The following ANKRD30BL variants were observed in gnomAD, a reference collection of about 807,000 sequenced individuals.
The protein encoded by ANKRD30BL is ankyrin repeat domain 30B like, also known as putative ankyrin repeat domain-containing protein 30B-like.
Under a neutral mutation model 18.4 loss-of-function variants are expected in ANKRD30BL, and 20 were observed. The observed-to-expected ratio is 1.09, with a 90% CI of 0.77 to 1.58. The LOEUF (loss-of-function observed/expected upper bound fraction) is 1.58. ANKRD30BL is among the 40% of genes most tolerant of loss of function. The probability of loss-of-function intolerance (pLI) is 0.00; values close to 1 mark genes in which losing one functional copy is unlikely to be tolerated. For missense variants in ANKRD30BL, 224 were observed against 268.6 expected, an observed-to-expected ratio of 0.83 and a Z score of 1.16; for synonymous variants, 72 against 100.9, an observed-to-expected ratio of 0.71 and a Z score of 1.72.
At chr2:132,250,157 C>A (rs62164971) in intron 1 of ANKRD30BL, among the ~76,000 whole-genome samples, 25,695 of 151,024 alleles carry the variant, frequency 0.17, 4,615 homozygotes, top group African/African-American at 0.47. Context: ...TTATGTGAAG[C>A]TATTTCCTTT....
chr2:132,222,096 C>A (rs1474850277), intron 1 of ANKRD30BL, among the ~76,000 whole-genome samples: 21 of 145,100 alleles, frequency 1.4e-4, no homozygotes, highest in Non-Finnish European at 2.7e-4. Flanking sequence ...GGGGGGTCAG[C>A]CCCCCACCCG....
intron 1 of ANKRD30BL, among the ~76,000 whole-genome samples, chr2:132,231,319 T>A (rs2104782949): frequency 6.6e-6 from 1 of 152,146 alleles, no homozygotes; most frequent in Admixed American, 6.6e-5. Context: ...AAAACGGGAA[T>A]GTCGAAGGGG....
At chr2:132,233,596 T>G (rs1041462489) in intron 1 of ANKRD30BL, among the ~76,000 whole-genome samples, 193 of 151,016 alleles carry the variant, frequency 1.3e-3, no homozygotes, top group Admixed American at 2.3e-3. Context: ...AGAAGGCCAT[T>G]ACATAATGGT....
chr2:132,166,860 C>A (rs1217982041), upstream of ANKRD30BL, among the ~76,000 whole-genome samples: 1 of 151,792 alleles, frequency 6.6e-6, no homozygotes, highest in African/African-American at 2.4e-5. Flanking sequence ...TTTTCTTTTT[C>A]TAGTTTCTTA....
chr2:132,161,734 G>A lies in ANKRD30BL; in HGVS notation c.-29C>T, dbSNP rs1210601490. The A allele has an allele frequency of 3.6e-6, 4 of 1,117,096 alleles. No homozygotes were observed. In the Admixed American group the frequency reaches 6.0e-5, roughly 17 times the overall value. The allele number at this position is 1,117,096 out of a possible 1,614,324, so 69.2% of individuals were successfully genotyped here. ...TGCAGCCACCTGCTAGAGAGAGCCC[G>A]TGCCTCCCGCTGCTCGCCCTTCCCC... On this transcript the variant is annotated 5_prime_UTR_variant, in exon 1 of 6. In the 5' UTR this introduces an upstream ATG that the reference lacks. Transcript: ENST00000409867.
intron 1 of ANKRD30BL, among the ~76,000 whole-genome samples, chr2:132,182,082 C>G (rs1346225643): frequency 2.0e-5 from 3 of 151,318 alleles, no homozygotes; most frequent in Non-Finnish European, 4.4e-5. Context: ...CCACTGCACT[C>G]TAGCCTGGGC....
At chr2:132,235,680 A>G (rs1680133873) in intron 1 of ANKRD30BL, among the ~76,000 whole-genome samples, 1 of 152,186 alleles carries the variant, frequency 6.6e-6, no homozygotes, top group African/African-American at 2.4e-5. Context: ...TGCCCAAGGA[A>G]ATAAAAGAGG....
At chr2:132,207,179 G>A (rs1679227729) in intron 1 of ANKRD30BL, among the ~76,000 whole-genome samples, 3 of 151,934 alleles carry the variant, frequency 2.0e-5, no homozygotes, top group Admixed American at 2.0e-4. Context: ...CCCACAAAAG[G>A]AGGGGAGCCG....
At chr2:132,228,341 G>A (rs1009106239) in intron 1 of ANKRD30BL, among the ~76,000 whole-genome samples, 3 of 151,802 alleles carry the variant, frequency 2.0e-5, no homozygotes, top group Admixed American at 2.0e-4. Context: ...CCTTTCTTTT[G>A]ATTAAGCAGT....
At chr2:132,149,039 C>A (rs1237817182) in intron 5 of ANKRD30BL, among the ~76,000 whole-genome samples, 1 of 151,872 alleles carries the variant, frequency 6.6e-6, no homozygotes, top group African/African-American at 2.4e-5. Context: ...GTATTATGAG[C>A]ACCTTAAAGA....
intron 1 of ANKRD30BL, among the ~76,000 whole-genome samples, chr2:132,237,598 C>T (rs6760136): frequency 0.06 from 9,132 of 151,784 alleles, 337 homozygotes; most frequent in South Asian, 0.12. Context: ...TTGAGGCCTT[C>T]GCTGGAAACG....
At chr2:132,168,780 G>A (rs903819651) in intron 1 of ANKRD30BL, among the ~76,000 whole-genome samples, 2 of 151,762 alleles carry the variant, frequency 1.3e-5, no homozygotes, top group Non-Finnish European at 2.9e-5. Flanking sequence ...TGATGAAAAT[G>A]TTAATTGACT....
intron 1 of ANKRD30BL, among the ~76,000 whole-genome samples, chr2:132,233,167 A>G (rs1173400937): frequency 5.3e-5 from 8 of 151,644 alleles, no homozygotes; most frequent in African/African-American, 1.7e-4. Context: ...GCCTGCCCTA[A>G]AAGAGCTCCT....
intron 1 of ANKRD30BL, among the ~76,000 whole-genome samples, chr2:132,194,603 C>G (rs1401009452): frequency 1.3e-5 from 2 of 152,168 alleles, no homozygotes; most frequent in African/African-American, 4.8e-5. Context: ...CTACCCCAAT[C>G]AGCCTTCCTT....
intron 1 of ANKRD30BL, among the ~76,000 whole-genome samples, chr2:132,228,717 C>A (rs7419704): frequency 7.3e-6 from 1 of 136,272 alleles, no homozygotes; most frequent in African/African-American, 3.2e-5. Context: ...TTTGTAGAAT[C>A]TGCAAGCGGA....
chr2:132,255,041 G>A (rs1295793321), intron 1 of ANKRD30BL, among the ~76,000 whole-genome samples: 5 of 152,054 alleles, frequency 3.3e-5, no homozygotes, highest in Non-Finnish European at 5.9e-5. Context: ...TACTCCCCTC[G>A]GAACCCAAAA....
chr2:132,223,131 A>G (rs564413268), intron 1 of ANKRD30BL, among the ~76,000 whole-genome samples: 21 of 152,290 alleles, frequency 1.4e-4, no homozygotes, highest in African/African-American at 5.1e-4. Context: ...ATTAGACAGC[A>G]GCATTCTCAT....
intron 1 of ANKRD30BL, among the ~76,000 whole-genome samples, chr2:132,234,302 C>A (rs1037039839): frequency 6.6e-6 from 1 of 152,016 alleles, no homozygotes; most frequent in African/African-American, 2.4e-5. Flanking sequence ...CAAACACATT[C>A]AAAAGCTAGC....
At position 132,156,717 on chromosome 2, in the gene ANKRD30BL, G is replaced by T. The variant is rs1273749422; in HGVS notation, c.507+256C>A. On this transcript the variant is annotated intron_variant, in intron 3 of 5. Transcript: ENST00000409867. ...TAACTGGAAAGAAAAAAAAAACTTGGGTGGGAAAGAATATTTGAAAATGTT... is the reference window on the plus strand; with the variant it reads ...TAACTGGAAAGAAAAAAAAAACTTGTGTGGGAAAGAATATTTGAAAATGTT... 4.8e-4 allele frequency: 90 copies of T among 186,720 alleles called. 1 individual carries two copies. The highest frequency in any genetic ancestry group is 6.6e-4 in the Non-Finnish European group (61 of 91,862). The allele number at this position is 186,720 out of a possible 1,614,324, so 11.6% of individuals were successfully genotyped here. A position where few individuals can be genotyped will look rare whatever the true frequency, so the allele number is the denominator to read the frequency against.
Sources: gnomAD v4.1 joint callset for allele counts (sites outside exome capture counted in the v4.1 genomes callset) on GRCh38, gnomAD v4.1.1 for gene constraint, MANE v1.5 for transcripts, NCBI Gene and HGNC (gene_info 2026-07-23, HGNC 2026-07-21) for gene names.